The following LUC7L2 variants were observed in gnomAD, a reference collection of about 807,000 sequenced individuals.
LUC7L2 encodes the protein LUC7 like 2, pre-mRNA splicing factor.
A neutral mutation model predicts 52.8 loss-of-function variants in LUC7L2; 25 were observed. That is an observed-to-expected ratio of 0.47 (90% CI 0.34 to 0.66). The LOEUF is 0.66. LUC7L2 is among the 30% of genes least tolerant of loss of function. The pLI is 0.01. For synonymous variants in LUC7L2, 144 were observed against 160.9 expected (o/e 0.89, Z 0.80); for missense variants, 328 against 497.8 (o/e 0.66, Z 3.25).
At chr7:139,393,409 G>A (rs901900434) in intron 2 of LUC7L2, among the ~76,000 whole-genome samples, 3 of 152,038 alleles carry the variant, frequency 2.0e-5, no homozygotes, top group Non-Finnish European at 4.4e-5. Flanking sequence ...CAGACTGGGG[G>A]ACAGAGTGAG....
At chr7:139,412,825 TAAAAAAAAAAAA>T (rs10593094) in intron 8 of LUC7L2, 2 of 122,460 alleles carry the variant, frequency 1.6e-5, no homozygotes, top group Non-Finnish European at 3.3e-5. Context: ...ACTCTGTCTT[TAAAAAAAAAAAA>T]AAAAAAAAAA....
chr7:139,407,405 G>A, intron 6 of LUC7L2, 55 bp downstream of exon 6: 1 of 1,535,646 alleles, frequency 6.5e-7, no homozygotes, highest in South Asian at 1.3e-5. Context: ...ATCTGTATCA[G>A]TTGCCTTTTT....
chr7:139,401,786 C>A (rs939438490), intron 3 of LUC7L2, among the ~76,000 whole-genome samples: 2 of 147,984 alleles, frequency 1.4e-5, no homozygotes, highest in African/African-American at 5.0e-5. Context: ...CAGGGTCTCG[C>A]TGTGTCACCC....
At chr7:139,363,782 G>A (rs891485836) in intron 1 of LUC7L2, among the ~76,000 whole-genome samples, 1 of 152,038 alleles carries the variant, frequency 6.6e-6, no homozygotes, top group Non-Finnish European at 1.5e-5. Context: ...GTGACAGTTG[G>A]AAGAACCCAG....
chr7:139,364,084 G>C (rs1319014524), intron 1 of LUC7L2, among the ~76,000 whole-genome samples: 1 of 146,562 alleles, frequency 6.8e-6, no homozygotes, highest in Non-Finnish European at 1.5e-5. Context: ...TCCTGGGTTC[G>C]AGTGATTCTC....
chr7:139,418,966 C>T (rs1264195297), intron 9 of LUC7L2, among the ~76,000 whole-genome samples: 1 of 151,988 alleles, frequency 6.6e-6, no homozygotes, highest in East Asian at 1.9e-4. Context: ...CAAACATTAG[C>T]CGGGCATGGT....
intron 5 of LUC7L2, 92 bp downstream of exon 5, chr7:139,405,879 C>T: frequency 7.1e-7 from 1 of 1,404,668 alleles, no homozygotes; most frequent in South Asian, 1.7e-5. Flanking sequence ...CTATACTTCT[C>T]TAAGAACATG....
intron 1 of LUC7L2, chr7:139,345,485 C>A (rs1349463110): frequency 6.2e-7 from 1 of 1,614,006 alleles, no homozygotes. Context: ...GAATTTCTGA[C>A]TTGCTGCTTC....
At chr7:139,421,367 G>A (rs142483443) in intron 9 of LUC7L2, among the ~76,000 whole-genome samples, 3 of 152,282 alleles carry the variant, frequency 2.0e-5, no homozygotes, top group African/African-American at 7.2e-5. Context: ...AATTTTAGAT[G>A]TTGGAAGTAT....
intron 1 of LUC7L2, among the ~76,000 whole-genome samples, chr7:139,361,251 A>G (rs1274063584): frequency 2.6e-5 from 4 of 152,220 alleles, no homozygotes; most frequent in African/African-American, 9.6e-5. Context: ...GGTCTAGTTC[A>G]TTACTTTCTT....
intron 2 of LUC7L2, among the ~76,000 whole-genome samples, chr7:139,379,602 C>T (rs1372751765): frequency 9.7e-6 from 1 of 103,512 alleles, no homozygotes; most frequent in Non-Finnish European, 1.7e-5. Flanking sequence ...CAGATACTCG[C>T]TCTGTTGGCC....
intron 3 of LUC7L2, among the ~76,000 whole-genome samples, chr7:139,400,758 T>C (rs1017347130): frequency 8.5e-5 from 13 of 152,236 alleles, no homozygotes; most frequent in African/African-American, 2.9e-4. Context: ...TTTCTCTCAC[T>C]GCTTTGAGAT....
intron 9 of LUC7L2, 149 bp downstream of exon 9, chr7:139,417,878 A>C: frequency 8.6e-7 from 1 of 1,164,342 alleles, no homozygotes; most frequent in Non-Finnish European, 1.2e-6. Context: ...TGGGTGTACA[A>C]CATTTTTCTG....
intron 1 of LUC7L2, among the ~76,000 whole-genome samples, chr7:139,368,020 C>T (rs1194599338): frequency 6.6e-6 from 1 of 152,192 alleles, no homozygotes; most frequent in Non-Finnish European, 1.5e-5. Context: ...GCAGTCGATT[C>T]ACGTGAGTCT....
At chr7:139,369,193 TAGA>T (rs1393034219) in intron 1 of LUC7L2, among the ~76,000 whole-genome samples, 2 of 152,192 alleles carry the variant, frequency 1.3e-5, no homozygotes, top group Non-Finnish European at 2.9e-5. Flanking sequence ...TTCTGGATGA[TAGA>T]AGGCACCGGC....
chr7:139,369,918 C>T (rs1158471415), intron 1 of LUC7L2, among the ~76,000 whole-genome samples: 1 of 152,164 alleles, frequency 6.6e-6, no homozygotes, highest in African/African-American at 2.4e-5. Flanking sequence ...CTTGTGTTTA[C>T]ATTTTCTGGA....
At chr7:139,349,018 C>T (rs1189909315) in intron 1 of LUC7L2, among the ~76,000 whole-genome samples, 2 of 101,688 alleles carry the variant, frequency 2.0e-5, no homozygotes, top group African/African-American at 8.6e-5. Context: ...AAAAACTAGC[C>T]AGACACACGC....
intron 1 of LUC7L2, among the ~76,000 whole-genome samples, chr7:139,353,217 T>A (rs1799506538): frequency 6.6e-6 from 1 of 152,182 alleles, no homozygotes; most frequent in African/African-American, 2.4e-5. Context: ...GCACCATGTT[T>A]ATAAAATTTG....
At chr7:139,358,031 T>C (rs891397099), upstream of LUC7L2, among the ~76,000 whole-genome samples, 1 of 151,404 alleles carries the variant, frequency 6.6e-6, no homozygotes, top group Non-Finnish European at 1.5e-5. Flanking sequence ...ATTTTTGAGA[T>C]AGAGTCTTGC....
Sources: allele counts gnomAD v4.1 joint callset (sites outside exome capture counted in the v4.1 genomes callset), GRCh38; gene constraint gnomAD v4.1.1; transcripts MANE v1.5; gene names NCBI Gene and HGNC (gene_info 2026-07-23, HGNC 2026-07-21).